ACMSD: variants seen among roughly 807,000 people sequenced by gnomAD.
ACMSD encodes 2-amino-3-carboxymuconate-6-semialdehyde decarboxylase.
Under a neutral mutation model 45.9 loss-of-function variants are expected in ACMSD, and 37 were observed. The observed-to-expected ratio is 0.81, with a 90% confidence interval of 0.62 to 1.06. The LOEUF (loss-of-function observed/expected upper bound fraction) is 1.06. ACMSD is among the 50% of genes least tolerant of loss of function. The probability of loss-of-function intolerance (pLI) is 0.00; values close to 1 mark genes in which losing one functional copy is unlikely to be tolerated. For synonymous variants in ACMSD, 138 were observed against 148.8 expected, an observed-to-expected ratio of 0.93 and a Z score of 0.53; for missense variants, 434 against 420.9, an observed-to-expected ratio of 1.03 and a Z score of -0.27.
At chr2:134,890,701 AAAG>A (rs1473823647) in intron 8 of ACMSD, among the ~76,000 whole-genome samples, 1 of 152,016 alleles carries the variant, frequency 6.6e-6, no homozygotes, top group East Asian at 1.9e-4. Context: ...CATATAGCTC[AAAG>A]AAGTGTGTAT....
At chr2:134,852,618 A>C (rs1325391263) in intron 2 of ACMSD, among the ~76,000 whole-genome samples, 1 of 152,194 alleles carries the variant, frequency 6.6e-6, no homozygotes, top group Non-Finnish European at 1.5e-5. Flanking sequence ...GAAGAAAAAC[A>C]GGCTGAGCAA....
chr2:134,897,042 A>C (rs1203338831), intron 8 of ACMSD, among the ~76,000 whole-genome samples: 1 of 152,152 alleles, frequency 6.6e-6, no homozygotes. Flanking sequence ...AATTTTTTTA[A>C]ACATTCTATA....
intron 3 of ACMSD, 160 bp downstream of exon 3, chr2:134,859,517 A>G: frequency 1.6e-6 from 1 of 618,020 alleles, no homozygotes; most frequent in Non-Finnish European, 2.9e-6. Context: ...GCCTTCCACT[A>G]CAATGCTTTT....
chr2:134,895,735 C>G (rs1156884495), intron 8 of ACMSD, among the ~76,000 whole-genome samples: 1 of 152,148 alleles, frequency 6.6e-6, no homozygotes, highest in Non-Finnish European at 1.5e-5. Context: ...ATGGCGTGTG[C>G]CTGTAATTTC....
intron 5 of ACMSD, among the ~76,000 whole-genome samples, chr2:134,866,970 G>T (rs1389018498): frequency 6.6e-6 from 1 of 152,182 alleles, no homozygotes; most frequent in Admixed American, 6.5e-5. Context: ...ATGGGTGAAT[G>T]CCTGTAGACC....
At chr2:134,883,398 C>T (rs144637750) in intron 8 of ACMSD, among the ~76,000 whole-genome samples, 111 of 152,260 alleles carry the variant, frequency 7.3e-4, no homozygotes, top group Middle Eastern at 3.4e-3. Context: ...AACAGTCATC[C>T]AAGGCCATAT....
intron 8 of ACMSD, among the ~76,000 whole-genome samples, chr2:134,890,017 T>A (rs186479125): frequency 1.3e-3 from 198 of 152,158 alleles, no homozygotes; most frequent in African/African-American, 4.6e-3. Context: ...AATATAGAAA[T>A]AACAATAGTT....
chr2:134,900,912 ATACATGG>A (rs1352538716), intron 9 of ACMSD, among the ~76,000 whole-genome samples: 3 of 152,190 alleles, frequency 2.0e-5, no homozygotes, highest in Admixed American at 6.6e-5. Flanking sequence ...CCCTCAAAGG[ATACATGG>A]TACTAAGCTA....
chr2:134,893,790 G>C (rs1390536795), intron 8 of ACMSD, among the ~76,000 whole-genome samples: 2 of 152,182 alleles, frequency 1.3e-5, no homozygotes, highest in East Asian at 3.8e-4. Flanking sequence ...ATTTCTAGAT[G>C]AAACAAACTG....
intron 1 of ACMSD, among the ~76,000 whole-genome samples, chr2:134,841,421 TTAA>T (rs1398419647): frequency 5.9e-5 from 9 of 152,186 alleles, no homozygotes; most frequent in African/African-American, 2.2e-4. Flanking sequence ...TGATGTTTAA[TTAA>T]TGATGATAAT....
intron 8 of ACMSD, among the ~76,000 whole-genome samples, chr2:134,891,132 T>C (rs982368485): frequency 6.6e-5 from 10 of 152,110 alleles, no homozygotes; most frequent in Non-Finnish European, 1.3e-4. Flanking sequence ...AGAAGCTATT[T>C]AGTGAATTAA....
chr2:134,870,902 C>A, intron 6 of ACMSD, 63 bp from the exon 7 acceptor site: 2 of 1,406,862 alleles, frequency 1.4e-6, no homozygotes, highest in South Asian at 1.2e-5. Context: ...CAGCCACTAA[C>A]ATCACTGAAT....
chr2:134,850,795 A>G (rs1687303167), intron 2 of ACMSD, among the ~76,000 whole-genome samples: 1 of 152,044 alleles, frequency 6.6e-6, no homozygotes, highest in African/African-American at 2.4e-5. Flanking sequence ...AATAATTTCA[A>G]CTTTTATTTT....
intron 8 of ACMSD, among the ~76,000 whole-genome samples, chr2:134,874,662 T>C (rs1688640629): frequency 6.6e-6 from 1 of 152,188 alleles, no homozygotes; most frequent in Non-Finnish European, 1.5e-5. Flanking sequence ...ATGCAGGATA[T>C]ACATAGAAAA....
intron 8 of ACMSD, among the ~76,000 whole-genome samples, chr2:134,887,506 T>G (rs1689530483): frequency 6.6e-6 from 1 of 152,102 alleles, no homozygotes; most frequent in South Asian, 2.1e-4. Flanking sequence ...CAGGTTCAAG[T>G]GATTCTCCTG....
chr2:134,878,300 A>G (rs1477802363), intron 8 of ACMSD, among the ~76,000 whole-genome samples: 1 of 152,212 alleles, frequency 6.6e-6, no homozygotes, highest in Non-Finnish European at 1.5e-5. Flanking sequence ...CTCAAAGCAT[A>G]GAAACCATTC....
chr2:134,857,829 A>G (rs1387316331), intron 2 of ACMSD: 2 of 150,032 alleles, frequency 1.3e-5, no homozygotes, highest in Non-Finnish European at 3.0e-5. Flanking sequence ...ATTGCCATAC[A>G]TAGACTTTAT....
At chr2:134,866,288 A>G (rs1438585818) in intron 5 of ACMSD, among the ~76,000 whole-genome samples, 1 of 152,200 alleles carries the variant, frequency 6.6e-6, no homozygotes. Context: ...CAAAAAAATA[A>G]AAAGGAAAAA....
At chr2:134,865,684 G>C (rs1452632074) in intron 5 of ACMSD, among the ~76,000 whole-genome samples, 3 of 152,168 alleles carry the variant, frequency 2.0e-5, no homozygotes, top group African/African-American at 7.2e-5. Flanking sequence ...AGCCAGGTTG[G>C]CTTTGTCATC....
Sources: allele counts gnomAD v4.1 joint callset (sites outside exome capture counted in the v4.1 genomes callset), GRCh38; gene constraint gnomAD v4.1.1; transcripts MANE v1.5; gene names NCBI Gene and HGNC (gene_info 2026-07-23, HGNC 2026-07-21).